ARHGEF7: variants seen among roughly 807,000 people sequenced by gnomAD.
ARHGEF7 encodes PAK-interacting exchange factor beta.
ARHGEF7 carries 33 observed loss-of-function variants against 109.8 expected under a neutral mutation model. The observed-to-expected ratio is 0.30, with a 90% CI of 0.23 to 0.40. The LOEUF is 0.40. Among genes scored for constraint, ARHGEF7 ranks in the 10% least tolerant of loss-of-function variants. The probability of loss-of-function intolerance (pLI) is 1.00; values close to 1 mark genes in which losing one functional copy is unlikely to be tolerated. For synonymous variants in ARHGEF7, 458 were observed against 424.6 expected (o/e 1.08, Z -0.97); for missense variants, 938 against 1,098.5 (o/e 0.85, Z 2.07).
At chr13:111,279,021 A>C (rs1483898809) in intron 13 of ARHGEF7, among the ~76,000 whole-genome samples, 1 of 152,228 alleles carries the variant, frequency 6.6e-6, no homozygotes, top group Non-Finnish European at 1.5e-5. Context: ...CCATTAGAAC[A>C]CTGGCTTTGG....
rs761663819 is a variant in ARHGEF7 at position 111,301,474 on chromosome 13, T to TAA, written c.2412-4_2412-3insAA. The stretch of plus-strand genomic sequence containing the variant: ...ATGTGTGTGTGTTCTGTTTCCTGTT[T>TAA]CAGGAGTCTTGTGGATACCGTATAT... On this transcript the variant is annotated splice_region_variant and splice_polypyrimidine_tract_variant and intron_variant, in intron 20 of 21. Coordinates refer to ENST00000646102, the MANE Select transcript of ARHGEF7 (RefSeq NM_001354046.2). 2.5e-6 allele frequency: 4 copies of TAA among 1,613,010 alleles called. No homozygotes were observed. Among genetic ancestry groups the TAA allele is most frequent in the Non-Finnish European group, 3.4e-6 (4 of 1,179,130 alleles).
chr13:111,302,327 G>GGTGA (rs1453632261), intron 21 of ARHGEF7, among the ~76,000 whole-genome samples: 3 of 152,206 alleles, frequency 2.0e-5, no homozygotes, highest in African/African-American at 7.2e-5. Flanking sequence ...TGCCCAGCTA[G>GGTGA]GTGAGGGAAG....
Position 111,272,450 on chromosome 13 carries a change from G to C in ARHGEF7, c.1074-1364G>C, listed in dbSNP as rs1446379995. ...GGAAATTGGCTTGTTTCTCAGTTTT[G>C]CTGTTAGGATTTTCATGTTTATTTT... is the stretch of plus-strand genomic sequence containing the variant. On this transcript the variant is annotated intron_variant, in intron 9 of 21. Coordinates refer to ENST00000646102, the MANE Select transcript of ARHGEF7 (RefSeq NM_001354046.2). The surrounding 1 kb of genome is among the most constrained non-coding windows in gnomAD (Gnocchi z 5.2). Among the ~76,000 whole-genome samples the C allele has an allele frequency of 1.3e-5, 2 of 152,150 alleles. No individual in the cohort carries two copies. The highest frequency in any genetic ancestry group is 4.8e-5 in the African/African-American group (2 of 41,434).
chr13:111,196,201 T>G (rs2080481730), intron 2 of ARHGEF7, among the ~76,000 whole-genome samples: 1 of 152,214 alleles, frequency 6.6e-6, no homozygotes, highest in African/African-American at 2.4e-5. Flanking sequence ...CTAACTCTCC[T>G]TAGTCCTTCT....
rs151067647 is a variant in ARHGEF7 at position 111,178,928 on chromosome 13, C to T, written c.252+24937C>T. 3.5e-3 allele frequency among the ~76,000 whole-genome samples: 539 copies of T among 152,092 alleles called. 3 individuals are homozygous for T. The highest frequency in any genetic ancestry group is 0.013 in the African/African-American group (519 of 41,484). On this transcript the variant is annotated intron_variant, in intron 2 of 21. Coordinates refer to ENST00000646102, the MANE Select transcript of ARHGEF7 (RefSeq NM_001354046.2). ...TTCCTCCTAGGCTACGGATGGTGAG[C>T]GGATGCTAGAGAGAGCCACTTAATG... is the stretch of plus-strand genomic sequence containing the variant.
intron 2 of ARHGEF7, among the ~76,000 whole-genome samples, chr13:111,194,305 C>CTGTT (rs2080247862): frequency 6.6e-6 from 1 of 152,148 alleles, no homozygotes; most frequent in Admixed American, 6.5e-5. Context: ...GTTTTGAAGG[C>CTGTT]TGTTTCTGTC....
chr13:111,171,843 G>C (rs1479000230), intron 2 of ARHGEF7, among the ~76,000 whole-genome samples: 1 of 148,284 alleles, frequency 6.7e-6, no homozygotes, highest in Non-Finnish European at 1.5e-5. Context: ...CTCATGAATG[G>C]GGTTAGTGCT....
intron 1 of ARHGEF7, among the ~76,000 whole-genome samples, chr13:111,133,762 T>TA: frequency 7.3e-5 from 6 of 81,646 alleles, no homozygotes; most frequent in Non-Finnish European, 9.2e-5. Flanking sequence ...TCTGCTTTTC[T>TA]TTATATATAT....
At chr13:111,149,121 C>T (rs950598588) in intron 1 of ARHGEF7, among the ~76,000 whole-genome samples, 3 of 151,572 alleles carry the variant, frequency 2.0e-5, no homozygotes, top group Non-Finnish European at 4.4e-5. Flanking sequence ...TTAAAAAAAC[C>T]ATTTCTGTCC....
rs567846664 is a variant in ARHGEF7, at chr13:111,281,743, T to A, written c.1725+1066T>A. 2.6e-5 allele frequency among the ~76,000 whole-genome samples: 4 copies of A among 152,340 alleles called. No individual in the cohort carries two copies. The East Asian group carries it at 7.7e-4, about 29-fold the overall frequency. ...CCTGAAACTCTACTTCATACAATTT[T>A]ATATCAAGTCAGCTTTTCTCTGTGG... On this transcript the variant is annotated intron_variant, in intron 15 of 21. Transcript: ENST00000646102.
chr13:111,208,806 C>A (rs1418042898), intron 3 of ARHGEF7, among the ~76,000 whole-genome samples: 4 of 152,102 alleles, frequency 2.6e-5, no homozygotes, highest in Non-Finnish European at 4.4e-5. Context: ...GTTGGAGTAG[C>A]AAGCCCCCAT....
chr13:111,196,984 C>T (rs557096627), intron 2 of ARHGEF7, among the ~76,000 whole-genome samples: 38 of 152,264 alleles, frequency 2.5e-4, no homozygotes, highest in African/African-American at 8.2e-4. Flanking sequence ...TTCAGGGTTT[C>T]TGGGTCAAAT....
chr13:111,162,375 T>C (rs760343063), intron 2 of ARHGEF7, among the ~76,000 whole-genome samples: 2 of 152,324 alleles, frequency 1.3e-5, no homozygotes, highest in Middle Eastern at 3.4e-3. Context: ...CTGCTAGAAT[T>C]GGAAATAAAA....
At chr13:111,285,622 A>G (rs1222913206) in intron 16 of ARHGEF7, among the ~76,000 whole-genome samples, 1 of 152,180 alleles carries the variant, frequency 6.6e-6, no homozygotes, top group Non-Finnish European at 1.5e-5. Context: ...TGCTCCTGGC[A>G]CTCAGAGTCA....
chr13:111,140,579 G>A (rs965408518), intron 1 of ARHGEF7, among the ~76,000 whole-genome samples: 6 of 152,212 alleles, frequency 3.9e-5, no homozygotes, highest in African/African-American at 1.4e-4. Flanking sequence ...GTGAGAGTGG[G>A]GAGGGTGGTA....
chr13:111,300,631 T>C (rs1228296195), intron 19 of ARHGEF7, 117 bp from the exon 20 acceptor site: 2 of 694,968 alleles, frequency 2.9e-6, no homozygotes, highest in Non-Finnish European at 4.7e-6. Context: ...ATGAACGTTT[T>C]TAAATGCATA....
At chr13:111,201,684 C>T (rs778672305) in intron 2 of ARHGEF7, among the ~76,000 whole-genome samples, 3 of 152,138 alleles carry the variant, frequency 2.0e-5, no homozygotes, top group Non-Finnish European at 4.4e-5. Flanking sequence ...AAGCATGTTC[C>T]CCTTTCCCTG....
In ARHGEF7 at chr13:111,303,963, C is replaced by A. The variant is rs974326563; in HGVS notation, c.*850C>A. The stretch of plus-strand genomic sequence containing the variant: ...GTTTTGTCTTCCCTCAAAGAGAGAT[C>A]TTACTAGAACCTGTAAATAGAATGT... On this transcript the variant is annotated 3_prime_UTR_variant, in exon 22 of 22. Coordinates refer to ENST00000646102, the MANE Select transcript of ARHGEF7 (RefSeq NM_001354046.2). The A allele has an allele frequency of 6.6e-6, 1 of 152,206 alleles. No individual in the cohort carries two copies. Among genetic ancestry groups the A allele is most frequent in the South Asian group, 2.1e-4 (1 of 4,830 alleles). The allele number at this position is 152,206 out of a possible 1,614,324, so 9.4% of individuals were successfully genotyped here.
chr13:111,173,327 T>C (rs1207662665), intron 2 of ARHGEF7, among the ~76,000 whole-genome samples: 1 of 152,172 alleles, frequency 6.6e-6, no homozygotes, highest in African/African-American at 2.4e-5. Context: ...TGTCTTGATA[T>C]TTTGCCCCCT....
Sources: gnomAD v4.1 joint callset for allele counts (sites outside exome capture counted in the v4.1 genomes callset) on GRCh38, gnomAD v4.1.1 for gene constraint, Gnocchi (gnomAD v3.1) non-coding constraint, MANE v1.5 for transcripts, NCBI Gene and HGNC (gene_info 2026-07-23, HGNC 2026-07-21) for gene names.